Variants in SPAG16 observed in about 807,000 individuals in gnomAD.
SPAG16 encodes the protein sperm-associated antigen 16 protein.
In SPAG16, 86 loss-of-function variants were observed where a neutral mutation model predicts 80.4. That is an observed-to-expected ratio of 1.07 (90% CI 0.90 to 1.28). The LOEUF is 1.28. Ranked by LOEUF, SPAG16 falls within the 50% of genes most tolerant of loss-of-function variation. SPAG16 has a pLI of 0.00. For missense variants in SPAG16, 870 were observed against 765.3 expected (o/e 1.14, Z -1.61); for synonymous variants, 294 against 265.9 (o/e 1.11, Z -1.03).
chr2:213,375,256 G>T (rs2066830247), intron 9 of SPAG16, 137 bp downstream of exon 9: 1 of 562,674 alleles, frequency 1.8e-6, no homozygotes, highest in East Asian at 3.2e-5. Context: ...GTTTATACAT[G>T]GACAGTGGAG....
At chr2:213,789,649 C>G (rs1034837107) in intron 10 of SPAG16, among the ~76,000 whole-genome samples, 2 of 151,874 alleles carry the variant, frequency 1.3e-5, no homozygotes, top group Admixed American at 6.6e-5. Flanking sequence ...TTCACTCACA[C>G]GATGTAATGG....
intron 10 of SPAG16, among the ~76,000 whole-genome samples, chr2:213,841,578 G>A (rs1331604214): frequency 6.6e-6 from 1 of 152,010 alleles, no homozygotes; most frequent in Non-Finnish European, 1.5e-5. Context: ...TGACTTACTT[G>A]TTGATGTATT....
At chr2:214,266,763 C>CA (rs1393874124) in intron 15 of SPAG16, among the ~76,000 whole-genome samples, 6 of 150,322 alleles carry the variant, frequency 4.0e-5, no homozygotes, top group Non-Finnish European at 7.4e-5. Context: ...AAATCAACTA[C>CA]AAAAAATCGG....
chr2:213,335,729 A>G (rs1195682509), intron 5 of SPAG16, among the ~76,000 whole-genome samples: 1 of 152,164 alleles, frequency 6.6e-6, no homozygotes, highest in Non-Finnish European at 1.5e-5. Flanking sequence ...TGGCATGAAA[A>G]TGAGGTTGAG....
rs1164889661 is a variant in SPAG16 at position 214,026,930 on chromosome 2, T to C, written c.1527+12853T>C. ...TTTTTTCCCTTCAGCCTTTCCCCAT[T>C]TTGACTTGCTGATTCTCAAATCCCT... On this transcript the variant is annotated intron_variant, in intron 13 of 15. Coordinates refer to ENST00000331683, the MANE Select transcript of SPAG16 (RefSeq NM_024532.5). Among the ~76,000 whole-genome samples, 4 of 151,764 alleles carry C rather than the reference T, an allele frequency of 2.6e-5. No homozygotes were observed. In the East Asian group the frequency reaches 7.7e-4, roughly 29 times the overall value.
intron 15 of SPAG16, among the ~76,000 whole-genome samples, chr2:214,272,193 G>A (rs1489189641): frequency 1.3e-5 from 2 of 151,964 alleles, no homozygotes; most frequent in African/African-American, 4.8e-5. Context: ...AGGTATGAAA[G>A]TGTTTTATCA....
chr2:214,157,999 A>T (rs540911897), intron 15 of SPAG16, among the ~76,000 whole-genome samples: 24 of 126,714 alleles, frequency 1.9e-4, no homozygotes, highest in African/African-American at 5.6e-4. Context: ...TCATGTCTCC[A>T]TCAGAAAAGG....
chr2:213,410,021 T>G (rs72939086), intron 9 of SPAG16, among the ~76,000 whole-genome samples: 33,029 of 151,814 alleles, frequency 0.22, 4,435 homozygotes, highest in Non-Finnish European at 0.31. Context: ...AAGAAAACTT[T>G]AGCGATCCTG....
intron 11 of SPAG16, among the ~76,000 whole-genome samples, chr2:213,882,090 G>A (rs1191193588): frequency 6.6e-6 from 1 of 152,132 alleles, no homozygotes; most frequent in Non-Finnish European, 1.5e-5. Flanking sequence ...TGAGGTGATT[G>A]TGTGATTTTT....
At chr2:213,425,205 C>T (rs933610200) in intron 9 of SPAG16, among the ~76,000 whole-genome samples, 12 of 151,948 alleles carry the variant, frequency 7.9e-5, no homozygotes, top group African/African-American at 2.7e-4. Flanking sequence ...CGCCTGTAGT[C>T]CCAGCTACTC....
At chr2:214,091,227 T>C (rs1195563749) in intron 13 of SPAG16, among the ~76,000 whole-genome samples, 1 of 152,172 alleles carries the variant, frequency 6.6e-6, no homozygotes, top group Admixed American at 6.6e-5. Flanking sequence ...GTACTTATTA[T>C]ATCCCAAGAT....
intron 13 of SPAG16, among the ~76,000 whole-genome samples, chr2:214,090,426 C>T (rs2052102953): frequency 6.6e-6 from 1 of 151,826 alleles, no homozygotes; most frequent in Admixed American, 6.6e-5. Context: ...AGATGTAGTG[C>T]CTCAGAGAGA....
chr2:213,422,018 T>A (rs2069623390), intron 9 of SPAG16: 1 of 579,394 alleles, frequency 1.7e-6, no homozygotes, highest in South Asian at 2.1e-5. Flanking sequence ...ACCTACCAGT[T>A]TTTCATGTAC....
intron 9 of SPAG16, among the ~76,000 whole-genome samples, chr2:213,415,422 G>A (rs1437345446): frequency 6.6e-6 from 1 of 152,146 alleles, no homozygotes; most frequent in Non-Finnish European, 1.5e-5. Flanking sequence ...CATTTTTTCA[G>A]CACATGAAAA....
intron 9 of SPAG16, among the ~76,000 whole-genome samples, chr2:213,411,744 T>C (rs1248246476): frequency 6.6e-6 from 1 of 152,208 alleles, no homozygotes; most frequent in Admixed American, 6.5e-5. Context: ...GGTGTACTTA[T>C]TCTTGTCAAG....
chr2:213,708,019 A>T (rs2065832388), intron 10 of SPAG16, among the ~76,000 whole-genome samples: 1 of 152,162 alleles, frequency 6.6e-6, no homozygotes, highest in South Asian at 2.1e-4. Context: ...GTCAATAAAG[A>T]TTTTCTACCA....
chr2:213,809,849 A>T (rs2072019899), intron 10 of SPAG16, among the ~76,000 whole-genome samples: 1 of 152,156 alleles, frequency 6.6e-6, no homozygotes. Flanking sequence ...TGTTTCTAGA[A>T]ATCAGGTGGG....
At chr2:213,654,416 C>T (rs1574663170) in intron 10 of SPAG16, among the ~76,000 whole-genome samples, 2 of 151,724 alleles carry the variant, frequency 1.3e-5, no homozygotes, top group South Asian at 4.1e-4. Flanking sequence ...TGCAATGTGG[C>T]TGGGTGCAAG....
intron 12 of SPAG16, among the ~76,000 whole-genome samples, chr2:214,007,386 A>C (rs1372367842): frequency 6.6e-6 from 1 of 152,042 alleles, no homozygotes; most frequent in Non-Finnish European, 1.5e-5. Flanking sequence ...TCTTGAGGCC[A>C]CAAGTTTGAG....
Sources: allele counts gnomAD v4.1 joint callset (sites outside exome capture counted in the v4.1 genomes callset), GRCh38; gene constraint gnomAD v4.1.1; transcripts MANE v1.5; gene names NCBI Gene and HGNC (gene_info 2026-07-23, HGNC 2026-07-21).